Variants in FBXO10 observed in about 807,000 individuals in gnomAD.
The protein encoded by FBXO10 is F-box protein 10.
A neutral mutation model predicts 80.7 loss-of-function variants in FBXO10; 39 were observed. The ratio of observed to expected loss-of-function variants is 0.48; its 90% CI spans 0.37 to 0.63. The LOEUF (loss-of-function observed/expected upper bound fraction) is 0.63, where lower values mean the gene tolerates loss of function less well. Ranked by LOEUF, FBXO10 falls within the 30% of genes least tolerant of loss-of-function variation. The pLI is 0.00. For missense variants in FBXO10, 1,025 were observed against 1,269.0 expected, an observed-to-expected ratio of 0.81 and a Z score of 2.92; for synonymous variants, 449 against 489.6, an observed-to-expected ratio of 0.92 and a Z score of 1.09.
chr9:37,521,468 T>C, intron 8 of FBXO10, 101 bp downstream of exon 8: 1 of 1,335,600 alleles, frequency 7.5e-7, no homozygotes, highest in African/African-American at 1.5e-5. Flanking sequence ...TAAAGTTTAC[T>C]TTTAAATTTA....
At chr9:37,514,656 C>A (rs1035637304) in intron 10 of FBXO10, among the ~76,000 whole-genome samples, 3 of 151,928 alleles carry the variant, frequency 2.0e-5, no homozygotes, top group Middle Eastern at 3.4e-3. Flanking sequence ...GTCAACATGG[C>A]GAAACTGTCT....
chr9:37,521,826 C>G lies in FBXO10; in HGVS notation c.1943G>C (p.Cys648Ser). 1.9e-6 allele frequency: 3 copies of G among 1,585,472 alleles called. No individual in the cohort carries two copies. The highest frequency in any genetic ancestry group is 2.6e-6 in the Non-Finnish European group (3 of 1,168,260). ...GCTGGACGACATCATCCACACACCA[C>G]AGCCCTTGTTAGCTGGGACAGTGAG... Reference protein sequence around the residue: ...EGNTIYANKGCGVWMMSSSLP... With the variant: ...EGNTIYANKGSGVWMMSSSLP... Residue 648 changes from cysteine (C) to serine (S), a missense_variant, in exon 8 of 11, where the codon TGT becomes TCT. Physicochemically the swap from Cys to Ser is moderately radical, Grantham distance 112. Around this residue, in one of 3 missense-constraint regions of FBXO10, gnomAD observed 478 missense variants for 667.8 expected, o/e 0.72. Transcript: ENST00000432825.
chr9:37,522,297 G>T, intron 7 of FBXO10: 1 of 957,362 alleles, frequency 1.0e-6, no homozygotes, highest in Non-Finnish European at 1.2e-6. Context: ...TCAGAAGGCA[G>T]TCATGAGGAT....
At chr9:37,521,304 C>T (rs967254526) in intron 8 of FBXO10, among the ~76,000 whole-genome samples, 3 of 148,262 alleles carry the variant, frequency 2.0e-5, no homozygotes, top group African/African-American at 7.7e-5. Flanking sequence ...CTGGCCCCCA[C>T]GCTGTCTGGG....
In FBXO10 at chr9:37,565,948, A is replaced by G. The variant is rs978340390; in HGVS notation, c.-7+10263T>C. 1.9e-4 allele frequency among the ~76,000 whole-genome samples: 29 copies of G among 152,222 alleles called. 1 individual carries two copies. The highest frequency in any genetic ancestry group is 8.8e-5 in the Non-Finnish European group (6 of 68,040). On this transcript the variant is annotated intron_variant, in intron 1 of 10. Transcript: ENST00000432825. ...GGGCTTAGGACATGTTGGGAGGTTC[A>G]GTCTGGCTGCAGCTCCAGGAGTCTG...
At chr9:37,526,862 T>C (rs1821489159) in intron 5 of FBXO10, among the ~76,000 whole-genome samples, 1 of 138,564 alleles carries the variant, frequency 7.2e-6, no homozygotes, top group South Asian at 2.2e-4. Context: ...TATTTATTTA[T>C]TTATTGAAAT....
intron 2 of FBXO10, among the ~76,000 whole-genome samples, chr9:37,540,264 T>C (rs754941269): frequency 1.3e-5 from 2 of 152,088 alleles, no homozygotes; most frequent in Non-Finnish European, 2.9e-5. Context: ...CTCAGCTCAC[T>C]GCAACCTCCG....
intron 10 of FBXO10, among the ~76,000 whole-genome samples, chr9:37,514,343 G>A (rs1269707223): frequency 4.6e-5 from 7 of 152,224 alleles, no homozygotes; most frequent in South Asian, 4.1e-4. Context: ...GGCAAAGTCC[G>A]GGCTGTATCC....
chr9:37,554,566 C>T (rs538922998), intron 1 of FBXO10, among the ~76,000 whole-genome samples: 1 of 152,180 alleles, frequency 6.6e-6, no homozygotes, highest in Non-Finnish European at 1.5e-5. Flanking sequence ...TCAAGTTCCA[C>T]CCCCGACCCC....
chr9:37,567,834 C>G (rs148592154), intron 1 of FBXO10, among the ~76,000 whole-genome samples: 1 of 152,304 alleles, frequency 6.6e-6, no homozygotes, highest in Non-Finnish European at 1.5e-5. Flanking sequence ...CTGACCTTAG[C>G]TATGTCTGCC....
intron 7 of FBXO10, 127 bp from the exon 8 acceptor site, chr9:37,521,965 C>T: frequency 9.5e-7 from 1 of 1,048,030 alleles, no homozygotes; most frequent in Non-Finnish European, 1.3e-6. Flanking sequence ...TGACCTCGGA[C>T]AAGCCACCTG....
At chr9:37,552,744 C>A (rs936842968) in intron 1 of FBXO10, among the ~76,000 whole-genome samples, 1 of 150,974 alleles carries the variant, frequency 6.6e-6, no homozygotes, top group Non-Finnish European at 1.5e-5. Context: ...AGTTCTGGAG[C>A]CTGGGAAGTC....
At chr9:37,573,333 A>C (rs10758440) in intron 1 of FBXO10, among the ~76,000 whole-genome samples, 30,948 of 152,078 alleles carry the variant, frequency 0.2, 3,491 homozygotes, top group Non-Finnish European at 0.24. Context: ...AGCCTGGTGA[A>C]AAGCTCAACA....
At chr9:37,564,465 A>G (rs1048848631) in intron 1 of FBXO10, among the ~76,000 whole-genome samples, 1 of 152,136 alleles carries the variant, frequency 6.6e-6, no homozygotes, top group African/African-American at 2.4e-5. Context: ...AGCTTGCATC[A>G]TGTGCCTGGA....
intron 1 of FBXO10, among the ~76,000 whole-genome samples, chr9:37,550,591 T>C (rs1822175806): frequency 6.6e-6 from 1 of 151,536 alleles, no homozygotes; most frequent in South Asian, 2.1e-4. Flanking sequence ...AGCGATTCTC[T>C]GCCTCAGCCT....
chr9:37,513,638 G>A (rs888803095), intron 10 of FBXO10, among the ~76,000 whole-genome samples: 4 of 151,908 alleles, frequency 2.6e-5, no homozygotes, highest in African/African-American at 9.7e-5. Context: ...TACCCAGGCT[G>A]GAGTGCAGTA....
intron 5 of FBXO10, among the ~76,000 whole-genome samples, chr9:37,525,662 G>T (rs1030530121): frequency 3.3e-5 from 5 of 151,818 alleles, no homozygotes; most frequent in African/African-American, 9.7e-5. Context: ...CGATGTTCGT[G>T]CCTCAGCCTG....
intron 2 of FBXO10, among the ~76,000 whole-genome samples, chr9:37,540,701 T>C (rs533961196): frequency 2.6e-5 from 4 of 152,332 alleles, no homozygotes; most frequent in Non-Finnish European, 4.4e-5. Flanking sequence ...CCTTGAGAAC[T>C]AGCAAATCAT....
At chr9:37,531,682 G>A (rs1005158850) in intron 4 of FBXO10, among the ~76,000 whole-genome samples, 1 of 152,058 alleles carries the variant, frequency 6.6e-6, no homozygotes, top group African/African-American at 2.4e-5. Flanking sequence ...CTGTCTTTCT[G>A]GTCCTCCTCC....
Sources: gnomAD v4.1 joint callset for allele counts (sites outside exome capture counted in the v4.1 genomes callset) on GRCh38, gnomAD v4.1.1 for gene constraint, gnomAD v4.1.1 regional missense constraint, MANE v1.5 for transcripts, NCBI Gene and HGNC (gene_info 2026-07-23, HGNC 2026-07-21) for gene names.